Variants in RARB observed in about 807,000 individuals in gnomAD.
RARB encodes the protein retinoic acid receptor beta, also known as HBV-activated protein.
A neutral mutation model predicts 51.9 loss-of-function variants in RARB; 17 were observed. That is an observed-to-expected ratio of 0.33 (90% CI 0.22 to 0.49). The LOEUF (loss-of-function observed/expected upper bound fraction) is 0.49, where lower values mean the gene tolerates loss of function less well. Among genes scored for constraint, RARB ranks in the 20% least tolerant of loss-of-function variants. The probability of loss-of-function intolerance (pLI) is 0.99; values close to 1 mark genes in which losing one functional copy is unlikely to be tolerated. For synonymous variants in RARB, 215 were observed against 195.4 expected (o/e 1.10, Z -0.84); for missense variants, 369 against 550.8 (o/e 0.67, Z 3.30).
chr3:25,131,032 T>C, intron 3 of RARB, among the ~76,000 whole-genome samples: 1 of 150,232 alleles, frequency 6.7e-6, no homozygotes, highest in South Asian at 2.1e-4. Context: ...ATATATTTTA[T>C]CAATGATCTT....
At chr3:25,290,463 C>A (rs1703759622) in intron 5 of RARB, among the ~76,000 whole-genome samples, 1 of 152,160 alleles carries the variant, frequency 6.6e-6, no homozygotes, top group African/African-American at 2.4e-5. Flanking sequence ...GTTGTTTAAA[C>A]CACCCAGTCT....
chr3:25,588,908 G>T (rs1701508507), intron 5 of RARB, among the ~76,000 whole-genome samples: 1 of 152,094 alleles, frequency 6.6e-6, no homozygotes, highest in African/African-American at 2.4e-5. Context: ...CCTAGTTTCA[G>T]AAGTCACACA....
intron 5 of RARB, among the ~76,000 whole-genome samples, chr3:25,228,369 CCT>C (rs2125388747): frequency 6.6e-6 from 1 of 151,928 alleles, no homozygotes; most frequent in South Asian, 2.1e-4. Flanking sequence ...CTTGTCATTG[CCT>C]CTCTTTTTAG....
intron 4 of RARB, among the ~76,000 whole-genome samples, chr3:25,140,792 C>A (rs1178403763): frequency 6.6e-6 from 1 of 152,070 alleles, no homozygotes; most frequent in African/African-American, 2.4e-5. Flanking sequence ...TAAGAAATTG[C>A]CACAGCCACC....
In RARB at chr3:24,893,716, G is replaced by A. The variant is rs1261616262; in HGVS notation, c.-380+34964G>A. Among the ~76,000 whole-genome samples the A allele has an allele frequency of 2.0e-5, 3 of 151,442 alleles. No homozygotes were observed. The East Asian group carries it at 5.8e-4, about 29-fold the overall frequency. ...TTTTTTTTTAATTTTGTAGAGATGG[G>A]GTCTCACTATGTTGCCTAGGTGGGT... On this transcript the variant is annotated intron_variant, in intron 2 of 11. Coordinates refer to the RARB transcript ENST00000383772.
rs1014686938 is a variant in RARB at position 25,082,361 on chromosome 3, A to G, written c.-328+22185A>G. The stretch of plus-strand genomic sequence containing the variant: ...CTTTTCTTTTGCCTTGTTAGGATTA[A>G]TTCTTCTTTTTTCTGATTTTTGTTT... On this transcript the variant is annotated intron_variant, in intron 3 of 11. Transcript: ENST00000383772. Among the ~76,000 whole-genome samples, 5 of 151,940 alleles carry G rather than the reference A, an allele frequency of 3.3e-5. 1 individual carries two copies. The highest frequency in any genetic ancestry group is 6.8e-3 in the Middle Eastern group (2 of 292).
chr3:25,248,296 G>A (rs777802831), intron 5 of RARB, among the ~76,000 whole-genome samples: 1 of 152,040 alleles, frequency 6.6e-6, no homozygotes, highest in African/African-American at 2.4e-5. Flanking sequence ...GCAGCATATA[G>A]GTGGATCATG....
At chr3:25,374,083 C>T (rs1411503627) in intron 5 of RARB, among the ~76,000 whole-genome samples, 4 of 152,116 alleles carry the variant, frequency 2.6e-5, no homozygotes, top group Non-Finnish European at 5.9e-5. Flanking sequence ...CCTACTTAAC[C>T]TCCAGAGGCC....
chr3:25,401,423 A>G (rs1707260275), intron 5 of RARB, among the ~76,000 whole-genome samples: 1 of 152,222 alleles, frequency 6.6e-6, no homozygotes, highest in Non-Finnish European at 1.5e-5. Flanking sequence ...ACCAAAACTT[A>G]CCAGACATAC....
intron 3 of RARB, among the ~76,000 whole-genome samples, chr3:25,127,094 C>T (rs1056543495): frequency 6.6e-6 from 1 of 152,168 alleles, no homozygotes; most frequent in African/African-American, 2.4e-5. Context: ...CCCTAACTTA[C>T]CTCCTACCTG....
intron 2 of RARB, among the ~76,000 whole-genome samples, chr3:24,953,517 C>T (rs925694031): frequency 3.3e-5 from 5 of 152,070 alleles, no homozygotes; most frequent in African/African-American, 9.7e-5. Flanking sequence ...TCACCTCAGG[C>T]GACAGATCCC....
intron 5 of RARB, among the ~76,000 whole-genome samples, chr3:25,581,153 A>C (rs1438934207): frequency 6.6e-6 from 1 of 152,092 alleles, no homozygotes; most frequent in Non-Finnish European, 1.5e-5. Flanking sequence ...TGCGACCACC[A>C]CACACGGGGA....
At chr3:25,459,538 G>T (rs1403502607) in intron 1 of RARB, among the ~76,000 whole-genome samples, 1 of 152,178 alleles carries the variant, frequency 6.6e-6, no homozygotes, top group African/African-American at 2.4e-5. Context: ...TATCTTGACT[G>T]CTTGTTTGAA....
At chr3:25,350,991 G>T (rs980924625) in intron 5 of RARB, among the ~76,000 whole-genome samples, 1 of 152,178 alleles carries the variant, frequency 6.6e-6, no homozygotes, top group Non-Finnish European at 1.5e-5. Flanking sequence ...GGCCAATTAG[G>T]CTTTGTGCTC....
intron 5 of RARB, among the ~76,000 whole-genome samples, chr3:25,178,403 A>G (rs1700798044): frequency 6.6e-6 from 1 of 152,106 alleles, no homozygotes; most frequent in South Asian, 2.1e-4. Context: ...TAGTCTTTTT[A>G]ATAGCCTCGA....
chr3:24,983,608 C>T (rs186713558), intron 2 of RARB, among the ~76,000 whole-genome samples: 434 of 152,152 alleles, frequency 2.9e-3, no homozygotes, highest in Non-Finnish European at 4.4e-3. Context: ...TGTTCAACCC[C>T]CACTTATGAG....
chr3:24,937,587 G>A (rs193124509), intron 2 of RARB, among the ~76,000 whole-genome samples: 31 of 152,236 alleles, frequency 2.0e-4, no homozygotes, highest in Admixed American at 7.9e-4. Flanking sequence ...AACAAGCAAA[G>A]CAGTAGCGTG....
At chr3:24,975,393 T>C (rs187819459) in intron 2 of RARB, among the ~76,000 whole-genome samples, 1 of 152,292 alleles carries the variant, frequency 6.6e-6, no homozygotes, top group East Asian at 1.9e-4. Context: ...GTGTTGGGGA[T>C]GCATGTGAAA....
intron 5 of RARB, among the ~76,000 whole-genome samples, chr3:25,236,701 GTATGT>G (rs1702307988): frequency 6.6e-6 from 1 of 152,006 alleles, no homozygotes; most frequent in African/African-American, 2.4e-5. Flanking sequence ...TTACATTAAT[GTATGT>G]CTGCTGCTGT....
Sources: gnomAD v4.1 joint callset for allele counts (sites outside exome capture counted in the v4.1 genomes callset) on GRCh38, gnomAD v4.1.1 for gene constraint, MANE v1.5 for transcripts, NCBI Gene and HGNC (gene_info 2026-07-23, HGNC 2026-07-21) for gene names.